The following NALCN variants were observed in gnomAD, a reference collection of about 807,000 sequenced individuals.
The protein encoded by NALCN is sodium leak channel NALCN.
A neutral mutation model predicts 225.3 loss-of-function variants in NALCN; 111 were observed. The ratio of observed to expected loss-of-function variants is 0.49; its 90% CI spans 0.42 to 0.58. The LOEUF is 0.58. Among genes scored for constraint, NALCN ranks in the 20% least tolerant of loss-of-function variants. The pLI, the probability that NALCN is intolerant of heterozygous loss-of-function variation, is 0.00. For synonymous variants in NALCN, 764 were observed against 769.0 expected (o/e 0.99, Z 0.11); for missense variants, 1,378 against 2,202.4 (o/e 0.63, Z 7.49).
chr13:101,176,371 G>A lies in NALCN; in HGVS notation c.1768C>T (p.Leu590Phe), dbSNP rs786203986. Residue 590 changes from leucine to phenylalanine, a missense_variant, in exon 15 of 44, where the codon CTC becomes TTC. This residue lies in a region of NALCN where 62 missense variants were observed against 143.6 expected (regional missense o/e 0.43). Coordinates refer to ENST00000251127, the MANE Select transcript of NALCN (RefSeq NM_052867.4). ...ATAACAGCAACAAACAAACTCAGGA[G>A]GATCTATAAAATGGTGAAATAACAA... ...ILYHLFATLI[L>F]LSLFVAVILD... The A allele has an allele frequency of 6.3e-7, 1 of 1,594,356 alleles. No homozygotes were observed. The highest frequency in any genetic ancestry group is 8.5e-7 in the Non-Finnish European group (1 of 1,173,104).
intron 37 of NALCN, among the ~76,000 whole-genome samples, chr13:101,072,354 T>G (rs544171820): frequency 2.1e-4 from 32 of 152,276 alleles, no homozygotes; most frequent in Non-Finnish European, 3.4e-4. Flanking sequence ...ACATTCAAAT[T>G]GTGTGAGGAG....
chr13:101,346,304 C>T (rs2045736660), intron 6 of NALCN, among the ~76,000 whole-genome samples: 1 of 151,778 alleles, frequency 6.6e-6, no homozygotes, highest in Non-Finnish European at 1.5e-5. Flanking sequence ...CCCAGATAAG[C>T]AAAGGAAGGA....
intron 17 of NALCN, among the ~76,000 whole-genome samples, chr13:101,127,428 G>T (rs779167021): frequency 6.6e-6 from 1 of 152,056 alleles, no homozygotes; most frequent in Non-Finnish European, 1.5e-5. Flanking sequence ...GTGTGATCCC[G>T]GCTCACTGCA....
At chr13:101,067,650 T>A (rs1421210315) in intron 39 of NALCN, among the ~76,000 whole-genome samples, 1 of 152,186 alleles carries the variant, frequency 6.6e-6, no homozygotes, top group Non-Finnish European at 1.5e-5. Context: ...CCAAGGCTGA[T>A]TCCTACAGAG....
intron 13 of NALCN, among the ~76,000 whole-genome samples, chr13:101,224,382 G>A (rs2041057600): frequency 6.6e-6 from 1 of 152,052 alleles, no homozygotes. Flanking sequence ...AACTTTCCAG[G>A]ACTTTACTAC....
intron 7 of NALCN, among the ~76,000 whole-genome samples, chr13:101,331,945 G>A (rs2139237551): frequency 6.6e-6 from 1 of 152,274 alleles, no homozygotes; most frequent in African/African-American, 2.4e-5. Flanking sequence ...ACTATCCCCA[G>A]TGTTCTACTT....
intron 14 of NALCN, among the ~76,000 whole-genome samples, chr13:101,178,608 A>G (rs1254051429): frequency 6.6e-6 from 1 of 152,202 alleles, no homozygotes; most frequent in African/African-American, 2.4e-5. Flanking sequence ...GGGAGTTTAG[A>G]CATCTGGCTC....
chr13:101,376,929 G>T lies in NALCN; in HGVS notation c.503C>A (p.Thr168Lys), dbSNP rs776577303. Residue 168 changes from threonine to lysine, a missense_variant, in exon 5 of 44, where the codon ACA becomes AAA. Physicochemically the swap from Thr to Lys is moderately conservative, Grantham distance 78. Coordinates refer to ENST00000251127, the MANE Select transcript of NALCN (RefSeq NM_052867.4). Reference sequence around the variant, plus strand: ...AAGCAGCGCTCACTTTAAAATATTTGTAATTCTGGTCCTTGGCAGTTCAAA... The same window carrying T: ...AAGCAGCGCTCACTTTAAAATATTTTTAATTCTGGTCCTTGGCAGTTCAAA... ...FRFELPRTRI[T>K]NILKRSGEQI... is the part of the protein sequence containing the mutation. 28 of 1,614,132 alleles carry T rather than the reference G, an allele frequency of 1.7e-5. No homozygotes were observed. Among genetic ancestry groups the T allele is most frequent in the Non-Finnish European group, 2.4e-5 (28 of 1,180,022 alleles).
intron 6 of NALCN, among the ~76,000 whole-genome samples, chr13:101,375,523 C>A (rs2046663537): frequency 6.6e-6 from 1 of 152,084 alleles, no homozygotes; most frequent in Non-Finnish European, 1.5e-5. Flanking sequence ...ATAACCCTTT[C>A]AATGTTTTTA....
chr13:101,368,981 G>C (rs927834072), intron 6 of NALCN: 9 of 354,810 alleles, frequency 2.5e-5, no homozygotes, highest in African/African-American at 4.3e-5. Context: ...ACTCCAGCCT[G>C]GGTGTCAGAG....
intron 14 of NALCN, among the ~76,000 whole-genome samples, chr13:101,184,369 C>A (rs967176836): frequency 6.6e-6 from 1 of 152,136 alleles, no homozygotes; most frequent in Admixed American, 6.5e-5. Flanking sequence ...CAGGGTCTCA[C>A]AGGCGTTTGA....
At chr13:101,376,882 C>G in intron 5 of NALCN, 35 bp downstream of exon 5, 3 of 1,613,114 alleles carry the variant, frequency 1.9e-6, no homozygotes, top group Non-Finnish European at 2.5e-6. Flanking sequence ...ACTTCATAAA[C>G]TTTTCCTCTT....
Position 101,082,887 on chromosome 13 carries a change from C to T in NALCN, c.3691-4G>A, listed in dbSNP as rs1162833398. ...TCACCGGGTCCTCGACGTCCCACTG[C>T]AACAGAAACAGCACACGAGTCGTTG... is the stretch of plus-strand genomic sequence containing the variant. On this transcript the variant is annotated splice_polypyrimidine_tract_variant and splice_region_variant and intron_variant, in intron 32 of 43. Transcript: ENST00000251127. 6.2e-6 allele frequency: 10 copies of T among 1,614,056 alleles called. No individual in the cohort carries two copies. Among genetic ancestry groups the T allele is most frequent in the Non-Finnish European group, 8.5e-6 (10 of 1,180,004 alleles).
At chr13:101,182,262 C>A (rs535565335) in intron 14 of NALCN, among the ~76,000 whole-genome samples, 1 of 151,878 alleles carries the variant, frequency 6.6e-6, no homozygotes, top group Admixed American at 6.6e-5. Flanking sequence ...GAGAGAGCCA[C>A]GGCATGCCAG....
At chr13:101,366,370 A>C (rs73566997) in intron 6 of NALCN, among the ~76,000 whole-genome samples, 205 of 152,294 alleles carry the variant, frequency 1.3e-3, no homozygotes, top group African/African-American at 4.8e-3. Flanking sequence ...CTCACATATT[A>C]AACACAATCA....
intron 6 of NALCN, among the ~76,000 whole-genome samples, chr13:101,346,087 C>CTCTCTCTCTCTCTCTCTCTCTATATA: frequency 6.2e-4 from 44 of 70,964 alleles, no homozygotes; most frequent in African/African-American, 9.0e-4. Context: ...CTCTCTCTCT[C>CTCTCTCTCTCTCTCTCTCTCTATATA]TATATATATA....
chr13:101,223,517 C>T (rs1327197777), intron 13 of NALCN, among the ~76,000 whole-genome samples: 1 of 152,130 alleles, frequency 6.6e-6, no homozygotes, highest in Non-Finnish European at 1.5e-5. Flanking sequence ...TCTTTCTTTT[C>T]AATCTGATAA....
In NALCN at chr13:101,372,750, G is replaced by A. The variant is rs190381853; in HGVS notation, c.644+3950C>T. ...TTTTAAATTATTGTATTAGAAAAAT[G>A]TTAAAAGATGTCTATATACCTTCAT... On this transcript the variant is annotated intron_variant, in intron 6 of 43. Coordinates refer to ENST00000251127, the MANE Select transcript of NALCN (RefSeq NM_052867.4). Among the ~76,000 whole-genome samples, 4 of 152,104 alleles carry A rather than the reference G, an allele frequency of 2.6e-5. No individual in the cohort carries two copies. The East Asian group carries it at 5.8e-4, about 22-fold the overall frequency.
At chr13:101,182,592 G>C (rs2039284241) in intron 14 of NALCN, among the ~76,000 whole-genome samples, 1 of 152,186 alleles carries the variant, frequency 6.6e-6, no homozygotes, top group African/African-American at 2.4e-5. Flanking sequence ...GGTTCAAGAT[G>C]TATGTGTGTG....
Sources: gnomAD v4.1 joint callset for allele counts (sites outside exome capture counted in the v4.1 genomes callset) on GRCh38, gnomAD v4.1.1 for gene constraint, gnomAD v4.1.1 regional missense constraint, MANE v1.5 for transcripts, NCBI Gene and HGNC (gene_info 2026-07-23, HGNC 2026-07-21) for gene names.